TNIK: variants seen among roughly 807,000 people sequenced by gnomAD.
TNIK encodes TRAF2 and NCK interacting kinase.
TNIK carries 49 observed loss-of-function variants against 191.3 expected under a neutral mutation model. The observed-to-expected ratio is 0.26, with a 90% CI of 0.20 to 0.32. TNIK has a LOEUF of 0.32. Ranked by LOEUF, TNIK falls within the 10% of genes least tolerant of loss-of-function variation. The pLI is 1.00. For missense variants in TNIK, 1,155 were observed against 1,702.3 expected (o/e 0.68, Z 5.66); for synonymous variants, 594 against 600.9 (o/e 0.99, Z 0.17).
chr3:171,332,030 TAA>T (rs1229759670), intron 2 of TNIK, among the ~76,000 whole-genome samples: 1 of 152,146 alleles, frequency 6.6e-6, no homozygotes. Context: ...AATCTAAAAT[TAA>T]AAGTTATTTT....
At chr3:171,080,511 A>G (rs1167813394) in intron 27 of TNIK, among the ~76,000 whole-genome samples, 1 of 151,682 alleles carries the variant, frequency 6.6e-6, no homozygotes, top group African/African-American at 2.4e-5. Flanking sequence ...ATCTCGGCTC[A>G]CTGCAACCTC....
intron 16 of TNIK, among the ~76,000 whole-genome samples, chr3:171,127,291 A>G (rs769419098): frequency 2.0e-5 from 3 of 152,210 alleles, no homozygotes; most frequent in Non-Finnish European, 4.4e-5. Flanking sequence ...GTTTAGCTGA[A>G]TGTTAAGCTT....
chr3:171,168,145 T>C (rs1295719865), intron 9 of TNIK, among the ~76,000 whole-genome samples: 1 of 152,196 alleles, frequency 6.6e-6, no homozygotes, highest in Non-Finnish European at 1.5e-5. Context: ...AATGGTGGAC[T>C]TCAGCCGTGA....
intron 2 of TNIK, among the ~76,000 whole-genome samples, chr3:171,257,141 C>A (rs1014370585): frequency 4.6e-5 from 7 of 152,182 alleles, no homozygotes; most frequent in Admixed American, 4.6e-4. Flanking sequence ...CAAAAGAAGA[C>A]TGCTCACCAC....
At chr3:171,343,122 A>G (rs577072630) in intron 2 of TNIK, among the ~76,000 whole-genome samples, 1 of 141,910 alleles carries the variant, frequency 7.0e-6, no homozygotes, top group Non-Finnish European at 1.6e-5. Context: ...GGACTAATAC[A>G]ACCCTCAAGG....
chr3:171,232,261 G>A (rs1462050703), intron 2 of TNIK, among the ~76,000 whole-genome samples: 1 of 151,756 alleles, frequency 6.6e-6, no homozygotes, highest in African/African-American at 2.4e-5. Flanking sequence ...GAGGCAGAAG[G>A]ATGGCTTGAC....
intron 31 of TNIK, 118 bp from the exon 32 acceptor site, chr3:171,066,444 A>C (rs1718435746): frequency 2.6e-6 from 4 of 1,555,458 alleles, no homozygotes; most frequent in Non-Finnish European, 3.5e-6. Context: ...GGACAAAGCA[A>C]GTCTTACAAG....
intron 18 of TNIK, among the ~76,000 whole-genome samples, chr3:171,114,761 C>T (rs1319371174): frequency 2.0e-5 from 3 of 152,052 alleles, no homozygotes; most frequent in Non-Finnish European, 4.4e-5. Context: ...GAAAAACTTC[C>T]AATAATGGCA....
At chr3:171,264,073 C>CACAT (rs1560340500) in intron 2 of TNIK, among the ~76,000 whole-genome samples, 1 of 58,204 alleles carries the variant, frequency 1.7e-5, no homozygotes, top group Non-Finnish European at 3.7e-5. Flanking sequence ...TACATACACA[C>CACAT]ACACACACAC....
At chr3:171,231,933 C>T (rs537067772) in intron 2 of TNIK, among the ~76,000 whole-genome samples, 10 of 152,270 alleles carry the variant, frequency 6.6e-5, no homozygotes, top group Middle Eastern at 6.8e-3. Flanking sequence ...AAATTTCTAT[C>T]GCCAAACTTT....
intron 12 of TNIK, among the ~76,000 whole-genome samples, chr3:171,145,151 A>G (rs906364430): frequency 1.3e-5 from 2 of 149,622 alleles, no homozygotes; most frequent in African/African-American, 4.9e-5. Context: ...CAGTGGTGCA[A>G]TCTCAGCTCG....
chr3:171,066,981 G>T (rs1026981389), intron 30 of TNIK, among the ~76,000 whole-genome samples: 8 of 152,102 alleles, frequency 5.3e-5, no homozygotes, highest in African/African-American at 1.9e-4. Context: ...CCTACTATGT[G>T]CCAGTCATGG....
At chr3:171,236,921 C>G (rs138858799) in intron 2 of TNIK, among the ~76,000 whole-genome samples, 1,606 of 152,052 alleles carry the variant, frequency 0.011, 23 homozygotes, top group African/African-American at 0.037. Flanking sequence ...ACCACAGACA[C>G]GATAGGCTGG....
chr3:171,275,897 A>G (rs978876197), intron 2 of TNIK, among the ~76,000 whole-genome samples: 3 of 150,046 alleles, frequency 2.0e-5, no homozygotes, highest in Non-Finnish European at 4.4e-5. Context: ...ACTCCGTCTC[A>G]AAATAAATAA....
intron 1 of TNIK, among the ~76,000 whole-genome samples, chr3:171,382,085 T>C (rs938872704): frequency 1.4e-4 from 22 of 152,314 alleles, no homozygotes; most frequent in Middle Eastern, 3.4e-3. Context: ...ATCTAATTGA[T>C]TTACTTTGAA....
At chr3:171,440,542 A>G (rs1446293757) in intron 1 of TNIK, among the ~76,000 whole-genome samples, 1 of 152,216 alleles carries the variant, frequency 6.6e-6, no homozygotes, top group African/African-American at 2.4e-5. Flanking sequence ...ATGGGGTGGT[A>G]GTTACTGATA....
intron 2 of TNIK, among the ~76,000 whole-genome samples, chr3:171,285,822 TG>T (rs1388761912): frequency 6.6e-6 from 1 of 152,216 alleles, no homozygotes; most frequent in African/African-American, 2.4e-5. Flanking sequence ...ACAGAACAAC[TG>T]GATCAGTGTC....
At chr3:171,260,528 T>A (rs1461030359) in intron 2 of TNIK, among the ~76,000 whole-genome samples, 2 of 151,852 alleles carry the variant, frequency 1.3e-5, no homozygotes, top group Non-Finnish European at 2.9e-5. Flanking sequence ...TTGGCCGGGG[T>A]GGATGGAGAG....
intron 13 of TNIK, 150 bp from the exon 14 acceptor site, chr3:171,139,706 A>ATT: frequency 1.5e-6 from 1 of 681,068 alleles, no homozygotes; most frequent in Non-Finnish European, 2.5e-6. Context: ...CAGGAAGAGT[A>ATT]TGTCACATGG....
Sources: allele counts gnomAD v4.1 joint callset (sites outside exome capture counted in the v4.1 genomes callset), GRCh38; gene constraint gnomAD v4.1.1; transcripts MANE v1.5; gene names NCBI Gene and HGNC (gene_info 2026-07-23, HGNC 2026-07-21).